Variants in DNAJC13 observed in about 807,000 individuals in gnomAD.
DNAJC13 encodes the protein dnaJ homolog subfamily C member 13.
DNAJC13 carries 75 observed loss-of-function variants against 290.5 expected under a neutral mutation model. The observed-to-expected ratio is 0.26, with a 90% CI of 0.21 to 0.31. DNAJC13 has a LOEUF of 0.31. Among genes scored for constraint, DNAJC13 ranks in the 10% least tolerant of loss-of-function variants. DNAJC13 has a pLI of 1.00. For synonymous variants in DNAJC13, 862 were observed against 892.0 expected, an observed-to-expected ratio of 0.97 and a Z score of 0.60; for missense variants, 2,260 against 2,674.5, an observed-to-expected ratio of 0.85 and a Z score of 3.42.
intron 22 of DNAJC13, among the ~76,000 whole-genome samples, chr3:132,476,126 G>A (rs1411686593): frequency 1.3e-5 from 2 of 152,032 alleles, no homozygotes; most frequent in Non-Finnish European, 2.9e-5. Context: ...TGGAGACGAG[G>A]TTTCACCATG....
At position 132,507,149 on chromosome 3, in the gene DNAJC13, G is replaced by T. The variant is rs1471028030; in HGVS notation, c.4999-88G>T. On this transcript the variant is annotated intron_variant, in intron 42 of 55. Transcript: ENST00000260818. ...ACATTTTTTCTCTAGAATATGCATA[G>T]ATCTCTCAAGTTATTTATCTGTTAA... 3.6e-5 allele frequency: 31 copies of T among 854,706 alleles called. No individual in the cohort carries two copies. The East Asian group carries it at 7.8e-4, about 21-fold the overall frequency. 52.9% of individuals were successfully genotyped at this position (854,706 alleles called of 1,614,324 possible). A position where few individuals can be genotyped will look rare whatever the true frequency, so the allele number is the denominator to read the frequency against.
intron 1 of DNAJC13, among the ~76,000 whole-genome samples, chr3:132,422,982 AG>A (rs1939001271): frequency 6.6e-6 from 1 of 152,220 alleles, no homozygotes; most frequent in Non-Finnish European, 1.5e-5. Context: ...TTTGATTATC[AG>A]ATAGAAAACA....
chr3:132,492,274 A>G, intron 32 of DNAJC13, 140 bp from the exon 33 acceptor site: 1 of 945,196 alleles, frequency 1.1e-6, no homozygotes, highest in Non-Finnish European at 1.6e-6. Context: ...AAAGTACCAT[A>G]TTTAAAAGCT....
chr3:132,478,059 C>T lies in DNAJC13; in HGVS notation c.2628C>T (p.Ala876=), dbSNP rs1328083975. The T allele has an allele frequency of 6.2e-7, 1 of 1,613,440 alleles. No individual in the cohort carries two copies. Among genetic ancestry groups the T allele is most frequent in the Middle Eastern group, 1.7e-4 (1 of 6,052 alleles). Residue 876 remains alanine (A), a synonymous_variant, in exon 24 of 56, where the codon GCC becomes GCT. Transcript: ENST00000260818. ...ACATGAAGTGTTTATGTTTACAAGC[C>T]CTTGCTATTGTTTATGGCAGATGTC... ...KVNMKCLCLQ[A]LAIVYGRCHE...
At chr3:132,487,559 ATTTTTT>A (rs10663131) in intron 29 of DNAJC13, among the ~76,000 whole-genome samples, 2 of 110,444 alleles carry the variant, frequency 1.8e-5, no homozygotes, top group South Asian at 2.7e-4. Flanking sequence ...CCTGGCTGTA[ATTTTTT>A]TTTTTTTTTT....
intron 1 of DNAJC13, among the ~76,000 whole-genome samples, chr3:132,431,507 CA>C (rs1939238969): frequency 6.6e-6 from 1 of 152,058 alleles, no homozygotes; most frequent in Admixed American, 6.6e-5. Flanking sequence ...TATAAATATC[CA>C]GGGGGTGAGC....
chr3:132,499,246 C>T lies in DNAJC13; in HGVS notation c.4277C>T (p.Ala1426Val), dbSNP rs372611491. 13 of 1,614,026 alleles carry T rather than the reference C, an allele frequency of 8.1e-6. No individual in the cohort carries two copies. The highest frequency in any genetic ancestry group is 9.3e-6 in the Non-Finnish European group (11 of 1,180,006). Residue 1426 changes from alanine (A) to valine (V), a missense_variant, in exon 37 of 56, where the codon GCT (alanine) becomes GTT (valine). Transcript: ENST00000260818. ...TTGTTGCCTGCGGCTACAGAGCTAG[C>T]TTTCCATACTGTCAACTGTTCAGCC... is the stretch of plus-strand genomic sequence containing the variant. ...SPLLPAATELAFHTVNCSALN... is the reference protein window; with the variant it reads ...SPLLPAATELVFHTVNCSALN...
intron 1 of DNAJC13, among the ~76,000 whole-genome samples, 198 bp from the exon 2 acceptor site, chr3:132,434,340 C>A: frequency 7.3e-6 from 1 of 137,784 alleles, no homozygotes; most frequent in South Asian, 2.1e-4. Context: ...GAGCAAAGAT[C>A]GTGCCACTGC....
intron 55 of DNAJC13, among the ~76,000 whole-genome samples, chr3:132,537,829 TTGTC>T (rs1304391504): frequency 2.0e-5 from 3 of 152,230 alleles, no homozygotes; most frequent in Admixed American, 6.5e-5. Flanking sequence ...AGAGTTTCTT[TTGTC>T]TGTCTGTTTC....
chr3:132,510,471 T>G (rs900998809), intron 43 of DNAJC13, among the ~76,000 whole-genome samples: 1 of 152,062 alleles, frequency 6.6e-6, no homozygotes, highest in Non-Finnish European at 1.5e-5. Flanking sequence ...AGTCCTCCTG[T>G]CTCAGCCTCC....
rs1327548773 is a variant in DNAJC13 at position 132,538,612 on chromosome 3, C to A, written c.*330C>A. The stretch of plus-strand genomic sequence containing the variant: ...TAGTTTTTGTAATTTTTTTTTTGAA[C>A]TAGCATGACTGTAGGGTTGAGCTAC... On this transcript the variant is annotated 3_prime_UTR_variant, in exon 56 of 56. Transcript: ENST00000260818. 5.4e-6 allele frequency: 1 copy of A among 183,864 alleles called. No individual in the cohort carries two copies. The highest frequency in any genetic ancestry group is 1.1e-5 in the Non-Finnish European group (1 of 89,200). 11.4% of individuals were successfully genotyped at this position (183,864 alleles called of 1,614,324 possible).
rs1459394363 is a variant in DNAJC13, at chr3:132,446,519, A to T, written c.113A>T (p.Tyr38Phe). ...GTTGGAACTCATGCGATTACTACATATAATCCCAATACCTTAGAAGTAACA... is the reference window on the plus strand; with the variant it reads ...GTTGGAACTCATGCGATTACTACATTTAATCCCAATACCTTAGAAGTAACA... ...FSVGTHAITTYNPNTLEVTNQ... is the reference protein window; with the variant it reads ...FSVGTHAITTFNPNTLEVTNQ... The change falls in exon 3 of 56, where the codon TAT becomes TTT. Residue 38 changes from tyrosine to phenylalanine, a missense_variant. Tyr to Phe is a conservative substitution (Grantham distance 22). This residue lies in a region of DNAJC13 where 762 missense variants were observed against 964.1 expected (regional missense o/e 0.79). Transcript: ENST00000260818. The T allele has an allele frequency of 6.2e-7, 1 of 1,609,046 alleles. No individual in the cohort carries two copies. Among genetic ancestry groups the T allele is most frequent in the Non-Finnish European group, 8.5e-7 (1 of 1,178,152 alleles).
In DNAJC13 at chr3:132,456,345, T is replaced by C; in HGVS notation, c.1043T>C (p.Met348Thr). ...HKGQRWGLLS[M>T]PVDEEVESLH... ...GGTCAGCGATGGGGGTTACTCAGCA[T>C]GCCTGTTGATGAGGAAGTAGAGAGC... Residue 348 changes from methionine to threonine, a missense_variant, in exon 10 of 56, where the codon ATG becomes ACG. Around this residue, in one of 3 missense-constraint regions of DNAJC13, gnomAD observed 762 missense variants for 964.1 expected, o/e 0.79. Coordinates refer to ENST00000260818, the MANE Select transcript of DNAJC13 (RefSeq NM_015268.4). 2 of 1,613,988 alleles carry C rather than the reference T, an allele frequency of 1.2e-6. No homozygotes were observed. The highest frequency in any genetic ancestry group is 2.2e-5 in the South Asian group (2 of 91,070).
Position 132,523,558 on chromosome 3 carries a change from G to A in DNAJC13, c.5905G>A (p.Val1969Met), listed in dbSNP as rs924723338. 3.7e-6 allele frequency: 6 copies of A among 1,613,196 alleles called. No homozygotes were observed. Among genetic ancestry groups the A allele is most frequent in the Non-Finnish European group, 4.2e-6 (5 of 1,179,804 alleles). Residue 1969 changes from valine (V) to methionine (M), a missense_variant, in exon 51 of 56, where the codon GTG becomes ATG. Val to Met is a conservative substitution (Grantham distance 21, BLOSUM62 1). Around this residue, in one of 3 missense-constraint regions of DNAJC13, gnomAD observed 1,494 missense variants for 1,693.7 expected, o/e 0.88. Transcript: ENST00000260818. ...ANWKLPEDFA[V>M]VFGEAEGELA... ...TTTAAAGTTGCCTGAAGATTTTGCT[G>A]TGGTGTTTGGAGAAGCAGAGGGTGA...
chr3:132,430,328 T>A (rs1211208608), intron 1 of DNAJC13, among the ~76,000 whole-genome samples: 4 of 151,958 alleles, frequency 2.6e-5, no homozygotes, highest in East Asian at 3.8e-4. Flanking sequence ...ATTTAAAAAA[T>A]TTATTTAATA....
chr3:132,485,207 G>C (rs1214194869), intron 29 of DNAJC13, among the ~76,000 whole-genome samples: 1 of 152,106 alleles, frequency 6.6e-6, no homozygotes, highest in African/African-American at 2.4e-5. Flanking sequence ...GCAGGATCTT[G>C]ACCCAATCCA....
chr3:132,435,037 T>C (rs531834760), intron 2 of DNAJC13, among the ~76,000 whole-genome samples: 1 of 152,276 alleles, frequency 6.6e-6, no homozygotes, highest in Admixed American at 6.5e-5. Context: ...TAACCTTTTT[T>C]TAGGCCTGTA....
chr3:132,497,368 A>G (rs1935266332), intron 36 of DNAJC13, among the ~76,000 whole-genome samples: 2 of 152,204 alleles, frequency 1.3e-5, no homozygotes, highest in African/African-American at 4.8e-5. Flanking sequence ...TGGGAACTGA[A>G]CTTGACTTAC....
intron 1 of DNAJC13, among the ~76,000 whole-genome samples, chr3:132,430,003 G>A (rs997949920): frequency 6.6e-6 from 1 of 152,120 alleles, no homozygotes; most frequent in Admixed American, 6.5e-5. Context: ...GAGAACTGAA[G>A]TACTACTACT....
Sources: gnomAD v4.1 joint callset for allele counts (sites outside exome capture counted in the v4.1 genomes callset) on GRCh38, gnomAD v4.1.1 for gene constraint, gnomAD v4.1.1 regional missense constraint, MANE v1.5 for transcripts, NCBI Gene and HGNC (gene_info 2026-07-23, HGNC 2026-07-21) for gene names.